The following GRIA4 variants were observed in gnomAD, a reference collection of about 807,000 sequenced individuals.
GRIA4 encodes the protein glutamate receptor 4.
A neutral mutation model predicts 104.0 loss-of-function variants in GRIA4; 34 were observed. The observed-to-expected ratio is 0.33, with a 90% CI of 0.25 to 0.44. The LOEUF (loss-of-function observed/expected upper bound fraction) is 0.44. Ranked by LOEUF, GRIA4 falls within the 20% of genes least tolerant of loss-of-function variation. GRIA4 has a pLI of 1.00. For synonymous variants in GRIA4, 386 were observed against 381.9 expected, an observed-to-expected ratio of 1.01 and a Z score of -0.13; for missense variants, 750 against 1,096.5, an observed-to-expected ratio of 0.68 and a Z score of 4.46.
chr11:105,610,688 A>G (rs765551394), intron 1 of GRIA4: 23 of 321,530 alleles, frequency 7.2e-5, no homozygotes, highest in Non-Finnish European at 1.2e-4. Flanking sequence ...GCGAGCAGCC[A>G]CTAGACGCTC....
At chr11:105,941,157 T>A (rs1361550724) in intron 14 of GRIA4, among the ~76,000 whole-genome samples, 1 of 152,216 alleles carries the variant, frequency 6.6e-6, no homozygotes. Flanking sequence ...TGAGAAGATT[T>A]TGTAAATAAT....
intron 4 of GRIA4, among the ~76,000 whole-genome samples, chr11:105,795,454 G>A (rs1455498356): frequency 6.6e-6 from 1 of 152,104 alleles, no homozygotes; most frequent in Non-Finnish European, 1.5e-5. Flanking sequence ...AGAAACTGAA[G>A]GAAGTTTATT....
intron 14 of GRIA4, among the ~76,000 whole-genome samples, chr11:105,959,645 G>A (rs560132254): frequency 6.6e-6 from 1 of 152,254 alleles, no homozygotes; most frequent in Non-Finnish European, 1.5e-5. Context: ...CACCCTTTAT[G>A]GAGAGACGTT....
chr11:105,747,754 T>C (rs978417731), intron 3 of GRIA4, among the ~76,000 whole-genome samples: 10 of 152,310 alleles, frequency 6.6e-5, no homozygotes, highest in South Asian at 6.2e-4. Context: ...CCTTATTTTA[T>C]AATTTCACTT....
intron 3 of GRIA4, among the ~76,000 whole-genome samples, chr11:105,693,666 C>G (rs1157044645): frequency 3.3e-5 from 5 of 152,236 alleles, no homozygotes; most frequent in Non-Finnish European, 7.4e-5. Context: ...CACAAGTATT[C>G]ATATTTCTTT....
intron 14 of GRIA4, among the ~76,000 whole-genome samples, chr11:105,936,047 C>T (rs1207812918): frequency 6.6e-6 from 1 of 152,102 alleles, no homozygotes; most frequent in Non-Finnish European, 1.5e-5. Context: ...CTGCCAAAAC[C>T]GCAGTCATTT....
At chr11:105,763,166 T>C (rs1175971413) in intron 4 of GRIA4, among the ~76,000 whole-genome samples, 1 of 152,210 alleles carries the variant, frequency 6.6e-6, no homozygotes, top group East Asian at 1.9e-4. Flanking sequence ...GAAATATAAT[T>C]TTCTAGAAGA....
At chr11:105,721,350 G>C (rs1937802312) in intron 3 of GRIA4, among the ~76,000 whole-genome samples, 1 of 151,926 alleles carries the variant, frequency 6.6e-6, no homozygotes, top group South Asian at 2.1e-4. Flanking sequence ...TCCTCTGCTT[G>C]AATTTTCATT....
intron 3 of GRIA4, among the ~76,000 whole-genome samples, chr11:105,677,928 T>C (rs888931212): frequency 2.6e-5 from 4 of 152,110 alleles, no homozygotes; most frequent in Middle Eastern, 3.4e-3. Context: ...TTGTGAAGCA[T>C]ATTTGTTTGT....
In GRIA4 at chr11:105,903,956, T is replaced by C. The variant is rs759222385; in HGVS notation, c.1028T>C (p.Ile343Thr). ...ANPAAPWGQG[I>T]DMERTLKQVR... Reference sequence around the variant, plus strand: ...CCTGCTGCTCCATGGGGCCAGGGAATTGACATGGAGAGGACACTCAAACAG... The same window carrying C: ...CCTGCTGCTCCATGGGGCCAGGGAACTGACATGGAGAGGACACTCAAACAG... Residue 343 changes from isoleucine (I) to threonine (T), a missense_variant, in exon 8 of 17, where the codon ATT becomes ACT. By Grantham distance (89) the Ile-to-Thr change is moderately conservative. Around this residue, in one of 3 missense-constraint regions of GRIA4, gnomAD observed 410 missense variants for 502.7 expected, o/e 0.82. Coordinates refer to ENST00000282499, the MANE Select transcript of GRIA4 (RefSeq NM_000829.4). 24 of 1,612,504 alleles carry C rather than the reference T, an allele frequency of 1.5e-5. No homozygotes were observed. Among genetic ancestry groups the C allele is most frequent in the Non-Finnish European group, 2.0e-5 (24 of 1,178,984 alleles).
intron 3 of GRIA4, among the ~76,000 whole-genome samples, chr11:105,617,398 A>C (rs935750003): frequency 2.6e-5 from 4 of 151,888 alleles, no homozygotes; most frequent in African/African-American, 9.7e-5. Flanking sequence ...TTTCTTCCAA[A>C]GACTATCTAG....
At chr11:105,925,735 A>G (rs1244325851) in intron 12 of GRIA4, among the ~76,000 whole-genome samples, 2 of 152,144 alleles carry the variant, frequency 1.3e-5, no homozygotes, top group African/African-American at 4.8e-5. Context: ...GCCAGGATTA[A>G]GCAAATATTA....
At chr11:105,851,715 G>C (rs149600556) in intron 4 of GRIA4, among the ~76,000 whole-genome samples, 29 of 152,300 alleles carry the variant, frequency 1.9e-4, no homozygotes, top group African/African-American at 7.0e-4. Context: ...AGTATGAGTT[G>C]AGTGGCGCAT....
At chr11:105,784,062 T>C (rs923309096) in intron 4 of GRIA4, among the ~76,000 whole-genome samples, 2 of 152,168 alleles carry the variant, frequency 1.3e-5, no homozygotes, top group Non-Finnish European at 2.9e-5. Context: ...CCTTGTAGCT[T>C]AGCCTCACAA....
intron 10 of GRIA4, chr11:105,912,009 T>G: frequency 4.7e-6 from 6 of 1,281,536 alleles, no homozygotes; most frequent in Non-Finnish European, 6.0e-6. Context: ...CATGTGGGAT[T>G]CTTCTTGGAT....
chr11:105,724,551 T>C (rs140154304), intron 3 of GRIA4, among the ~76,000 whole-genome samples: 9 of 152,072 alleles, frequency 5.9e-5, no homozygotes, highest in Admixed American at 5.2e-4. Context: ...AATCAAATAC[T>C]ACATGCTCTC....
intron 13 of GRIA4, among the ~76,000 whole-genome samples, chr11:105,929,010 A>G (rs2136202646): frequency 6.6e-6 from 1 of 152,154 alleles, no homozygotes; most frequent in East Asian, 1.9e-4. Context: ...GATTTTTATA[A>G]TATAGGTATC....
chr11:105,780,520 A>T (rs2135770968), intron 4 of GRIA4, among the ~76,000 whole-genome samples: 2 of 152,284 alleles, frequency 1.3e-5, no homozygotes, highest in Middle Eastern at 6.8e-3. Flanking sequence ...AAGATTTTTT[A>T]AAAATCTTAT....
chr11:105,945,666 A>G (rs1948288861), intron 14 of GRIA4, among the ~76,000 whole-genome samples: 1 of 152,190 alleles, frequency 6.6e-6, no homozygotes, highest in African/African-American at 2.4e-5. Flanking sequence ...TTGAACATTC[A>G]CTTACAAATG....
Sources: gnomAD v4.1 joint callset for allele counts (sites outside exome capture counted in the v4.1 genomes callset) on GRCh38, gnomAD v4.1.1 for gene constraint, gnomAD v4.1.1 regional missense constraint, MANE v1.5 for transcripts, NCBI Gene and HGNC (gene_info 2026-07-23, HGNC 2026-07-21) for gene names.